The following GABRA2 variants were observed in gnomAD, a reference collection of about 807,000 sequenced individuals.
GABRA2 encodes the protein gamma-aminobutyric acid receptor subunit alpha-2.
In GABRA2, 16 loss-of-function variants were observed where a neutral mutation model predicts 48.7. The observed-to-expected ratio is 0.33, with a 90% CI of 0.22 to 0.50. GABRA2 has a LOEUF of 0.50. GABRA2 is among the 20% of genes least tolerant of loss of function. The probability of loss-of-function intolerance (pLI) is 0.98; values close to 1 mark genes in which losing one functional copy is unlikely to be tolerated. For synonymous variants in GABRA2, 185 were observed against 184.5 expected (o/e 1.00, Z -0.02); for missense variants, 275 against 535.6 (o/e 0.51, Z 4.80).
At chr4:46,309,206 T>C (rs1727212369) in intron 6 of GABRA2, among the ~76,000 whole-genome samples, 1 of 152,164 alleles carries the variant, frequency 6.6e-6, no homozygotes, top group African/African-American at 2.4e-5. Context: ...ACCACAAAAG[T>C]ATGATCATCA....
At chr4:46,251,935 C>T (rs1466360291) in intron 9 of GABRA2, among the ~76,000 whole-genome samples, 2 of 151,246 alleles carry the variant, frequency 1.3e-5, no homozygotes, top group Admixed American at 6.6e-5. Flanking sequence ...TGTTTCTTTA[C>T]TAATATAAAT....
At chr4:46,252,532 C>T (rs976659785) in intron 9 of GABRA2, among the ~76,000 whole-genome samples, 2 of 151,376 alleles carry the variant, frequency 1.3e-5, no homozygotes, top group African/African-American at 4.8e-5. Context: ...CAGGTCTGCG[C>T]CTATTAAATG....
At chr4:46,314,147 A>T (rs766170250) in intron 4 of GABRA2, among the ~76,000 whole-genome samples, 18 of 152,222 alleles carry the variant, frequency 1.2e-4, no homozygotes, top group Non-Finnish European at 1.8e-4. Flanking sequence ...CTCTAAAATT[A>T]AAAAAATGAT....
At position 46,250,431 on chromosome 4, in the gene GABRA2, G is replaced by A. The variant is rs2109373000; in HGVS notation, c.1233C>T (p.Phe411=). The change falls in exon 10 of 10, where the codon TTC becomes TTT. Residue 411 remains phenylalanine (F), a synonymous_variant. Coordinates refer to ENST00000381620, the MANE Select transcript of GABRA2 (RefSeq NM_000807.4). ...TTCTGTCAATTTTGCTAACACTGTT[G>A]AAAGTTTTCTTTGCTTCAGCTGGCT... ...ENKPAEAKKT[F]NSVSKIDRMS... 1.9e-6 allele frequency: 3 copies of A among 1,611,948 alleles called. No individual in the cohort carries two copies. Among genetic ancestry groups the A allele is most frequent in the East Asian group, 4.5e-5 (2 of 44,804 alleles).
intron 3 of GABRA2, among the ~76,000 whole-genome samples, chr4:46,343,306 A>C (rs936793939): frequency 9.9e-5 from 15 of 152,154 alleles, no homozygotes; most frequent in African/African-American, 3.6e-4. Flanking sequence ...TAATTTCTGG[A>C]ACGTAGTAGG....
intron 9 of GABRA2, among the ~76,000 whole-genome samples, chr4:46,257,485 C>T (rs1716071342): frequency 6.6e-6 from 1 of 151,532 alleles, no homozygotes. Context: ...ATGTGTGATT[C>T]TGACCAAGTA....
chr4:46,303,992 C>T (rs1161884935), intron 7 of GABRA2, among the ~76,000 whole-genome samples: 5 of 151,948 alleles, frequency 3.3e-5, no homozygotes, highest in African/African-American at 1.2e-4. Context: ...CTCCTTTGAG[C>T]ATCATGTCAG....
rs555686265 is a variant in GABRA2 at position 46,314,650 on chromosome 4, A to T, written c.256-1934T>A. Among the ~76,000 whole-genome samples, 13 of 152,142 alleles carry T rather than the reference A, an allele frequency of 8.5e-5. 1 individual carries two copies. Among genetic ancestry groups the T allele is most frequent in the African/African-American group, 3.1e-4 (13 of 41,548 alleles). ...CCTTGACCTCCTCCCTCCCCGCTCTAGCAATAACCAGTGTCTATCGCTGTC... is the reference window on the plus strand; with the variant it reads ...CCTTGACCTCCTCCCTCCCCGCTCTTGCAATAACCAGTGTCTATCGCTGTC... On this transcript the variant is annotated intron_variant, in intron 4 of 9. Transcript: ENST00000381620.
chr4:46,262,956 AAGAG>A (rs889064929), intron 8 of GABRA2, among the ~76,000 whole-genome samples: 345 of 30,960 alleles, frequency 0.011, 2 homozygotes, highest in South Asian at 0.027. Flanking sequence ...GAAAGAAAGA[AAGAG>A]AGAGAGAGAG....
chr4:46,304,239 G>T (rs1056135365), intron 7 of GABRA2, among the ~76,000 whole-genome samples: 1 of 151,998 alleles, frequency 6.6e-6, no homozygotes. Context: ...GTGCTCTCTG[G>T]CTCCAAAAGT....
intron 4 of GABRA2, among the ~76,000 whole-genome samples, chr4:46,332,231 C>T (rs1731489435): frequency 6.6e-6 from 1 of 152,084 alleles, no homozygotes; most frequent in Non-Finnish European, 1.5e-5. Flanking sequence ...AAATGTGATA[C>T]ACTGACCATG....
chr4:46,387,356 T>C (rs1717608339), intron 2 of GABRA2, among the ~76,000 whole-genome samples: 1 of 152,198 alleles, frequency 6.6e-6, no homozygotes, highest in Non-Finnish European at 1.5e-5. Flanking sequence ...ATTAAAAGTG[T>C]CCATTTGCAT....
chr4:46,325,768 G>A (rs569778664), intron 4 of GABRA2, among the ~76,000 whole-genome samples: 1 of 151,994 alleles, frequency 6.6e-6, no homozygotes, highest in South Asian at 2.1e-4. Flanking sequence ...TGAAAAGAAG[G>A]GTCCAGTTTC....
At chr4:46,361,441 G>T (rs1240504059) in intron 3 of GABRA2, among the ~76,000 whole-genome samples, 1 of 152,172 alleles carries the variant, frequency 6.6e-6, no homozygotes, top group Non-Finnish European at 1.5e-5. Context: ...CAGAAGTCAA[G>T]AATTGAAGTT....
intron 3 of GABRA2, among the ~76,000 whole-genome samples, chr4:46,360,728 A>G (rs1309558503): frequency 6.6e-6 from 1 of 152,192 alleles, no homozygotes; most frequent in Non-Finnish European, 1.5e-5. Flanking sequence ...AAGACAAGAA[A>G]ATGTGGGAAT....
chr4:46,263,912 T>TTCTCTCTCTCTC (rs3068324), intron 8 of GABRA2, among the ~76,000 whole-genome samples: 16 of 145,084 alleles, frequency 1.1e-4, no homozygotes, highest in African/African-American at 4.0e-4. Flanking sequence ...ATTAGATCAA[T>TTCTCTCTCTCTC]TCTCTCTCTC....
chr4:46,337,326 G>T (rs1258466987), intron 3 of GABRA2, among the ~76,000 whole-genome samples: 1 of 151,972 alleles, frequency 6.6e-6, no homozygotes, highest in Non-Finnish European at 1.5e-5. Context: ...CCGAGGCAGG[G>T]AAACTCCTTT....
In GABRA2 at chr4:46,332,650, C is replaced by T; in HGVS notation, c.220G>A (p.Val74Met). 2 of 1,596,680 alleles carry T rather than the reference C, an allele frequency of 1.3e-6. No homozygotes were observed. The highest frequency in any genetic ancestry group is 1.7e-6 in the Non-Finnish European group (2 of 1,164,664). The change falls in exon 4 of 10, where the codon GTG becomes ATG. Residue 74 changes from valine to methionine, a missense_variant. Coordinates refer to ENST00000381620, the MANE Select transcript of GABRA2 (RefSeq NM_000807.4). The stretch of plus-strand genomic sequence containing the variant: ...TCTGAGACAGGGCCAAAACTGGTCA[C>T]GTAGATGTTAGTGAAGACTTCAGTA... ...SITEVFTNIY[V>M]TSFGPVSDTD... is the part of the protein sequence containing the mutation.
At chr4:46,280,261 G>T (rs1171166469) in intron 8 of GABRA2, among the ~76,000 whole-genome samples, 1 of 152,116 alleles carries the variant, frequency 6.6e-6, no homozygotes, top group Admixed American at 6.6e-5. Flanking sequence ...AGGTCTCTTT[G>T]AGAAGATGAT....
Sources: gnomAD v4.1 joint callset for allele counts (sites outside exome capture counted in the v4.1 genomes callset) on GRCh38, gnomAD v4.1.1 for gene constraint, MANE v1.5 for transcripts, NCBI Gene and HGNC (gene_info 2026-07-23, HGNC 2026-07-21) for gene names.